Variants in SALL4 observed in about 807,000 individuals in gnomAD.
SALL4 encodes the protein spalt like transcription factor 4.
Under a neutral mutation model 60.8 loss-of-function variants are expected in SALL4, and 4 were observed. The observed-to-expected ratio is 0.07, with a 90% CI of 0.03 to 0.15. The LOEUF (loss-of-function observed/expected upper bound fraction) is 0.15, where lower values mean the gene tolerates loss of function less well. SALL4 is among the 10% of genes least tolerant of loss of function. SALL4 has a pLI of 1.00. For synonymous variants in SALL4, 580 were observed against 574.9 expected (o/e 1.01, Z -0.13); for missense variants, 1,178 against 1,394.7 (o/e 0.84, Z 2.48).
At position 51,792,171 on chromosome 20, in the gene SALL4, A is replaced by G; in HGVS notation, c.312T>C (p.Asn104=). The stretch of plus-strand genomic sequence containing the variant: ...CTGAAGGCACAGGCCCCTCGCTGTC[A>G]TTCATGATGAGGACAGGTGGATTTT... The part of the protein sequence containing the change: ...CTKNPPVLIM[N]DSEGPVPSED... Residue 104 remains asparagine (N), a synonymous_variant, in exon 2 of 4, where the codon AAT becomes AAC. Coordinates refer to ENST00000217086, the MANE Select transcript of SALL4 (RefSeq NM_020436.5). The G allele has an allele frequency of 5.0e-6, 8 of 1,614,172 alleles. No homozygotes were observed. The highest frequency in any genetic ancestry group is 5.9e-6 in the Non-Finnish European group (7 of 1,180,038).
chr20:51,794,773 A>T (rs1225010706), intron 1 of SALL4, among the ~76,000 whole-genome samples: 2 of 152,240 alleles, frequency 1.3e-5, no homozygotes, highest in African/African-American at 4.8e-5. Context: ...CACAGAGGAC[A>T]TGAACTTGCC....
In SALL4 at chr20:51,790,015, C is replaced by G. The variant is rs2078022739; in HGVS notation, c.2461+7G>C. On this transcript the variant is annotated splice_region_variant and intron_variant, in intron 2 of 3. Coordinates refer to ENST00000217086, the MANE Select transcript of SALL4 (RefSeq NM_020436.5). This position sits in a 1 kb window ranked among gnomAD's most constrained non-coding sequence, Gnocchi z 5.5. ...ATGGACATAAGTTAAATCCAAAGCT[C>G]TATCACCTTCCATCTCAGTGCGGCT... 2 of 1,614,162 alleles carry G rather than the reference C, an allele frequency of 1.2e-6. No individual in the cohort carries two copies. Among genetic ancestry groups the G allele is most frequent in the Non-Finnish European group, 8.5e-7 (1 of 1,180,036 alleles).
intron 1 of SALL4, among the ~76,000 whole-genome samples, chr20:51,794,306 G>A (rs1422926065): frequency 2.0e-5 from 3 of 152,162 alleles, no homozygotes; most frequent in Admixed American, 6.5e-5. Context: ...GGCTGGGCGT[G>A]ATGGCTCACA....
At position 51,801,923 on chromosome 20, in the gene SALL4, G is replaced by C. The variant is rs112471334; in HGVS notation, c.130+356C>G. On this transcript the variant is annotated intron_variant, in intron 1 of 3. Transcript: ENST00000217086. The surrounding 1 kb of genome is among the most constrained non-coding windows in gnomAD (Gnocchi z 5.2). ...GGGAGGGGGACCTAAGTTACAAGGG[G>C]GGGGGGTAACACCAGTGAGGGGAGT... Among the ~76,000 whole-genome samples the C allele has an allele frequency of 1.9e-3, 292 of 151,812 alleles. 3 individuals are homozygous for C. The highest frequency in any genetic ancestry group is 6.3e-3 in the African/African-American group (263 of 41,422).
At chr20:51,795,143 A>T (rs1220454057) in intron 1 of SALL4, among the ~76,000 whole-genome samples, 6 of 152,156 alleles carry the variant, frequency 3.9e-5, no homozygotes, top group Non-Finnish European at 8.8e-5. Flanking sequence ...AATCTGCCTC[A>T]CTTCAGTGAT....
chr20:51,795,963 G>A (rs1303193061), intron 1 of SALL4, among the ~76,000 whole-genome samples: 1 of 152,122 alleles, frequency 6.6e-6, no homozygotes, highest in East Asian at 1.9e-4. Flanking sequence ...GGGAGGCCGA[G>A]GTGGGTGGAT....
At chr20:51,789,731 G>C (rs962897371) in intron 2 of SALL4, among the ~76,000 whole-genome samples, 15 of 152,172 alleles carry the variant, frequency 9.9e-5, no homozygotes, top group African/African-American at 2.7e-4. Context: ...TAACAAAATA[G>C]AACGACTACC....
chr20:51,800,263 A>G (rs1006862586), intron 1 of SALL4, among the ~76,000 whole-genome samples: 7 of 152,106 alleles, frequency 4.6e-5, no homozygotes, highest in Admixed American at 3.9e-4. Flanking sequence ...CCCACCCACC[A>G]GGTGTGAGCC....
intron 3 of SALL4, among the ~76,000 whole-genome samples, chr20:51,785,941 CTTTT>C (rs73625468): frequency 6.7e-6 from 1 of 149,268 alleles, no homozygotes; most frequent in African/African-American, 2.5e-5. Flanking sequence ...CACGTCCGGC[CTTTT>C]TTTTGAGTCT....
rs1568866688 is a variant in SALL4, at chr20:51,792,712, C to CAAAAA, written c.131-365_131-361dup. The CAAAAA allele has an allele frequency of 2.0e-4, 106 of 519,420 alleles. 9 individuals are homozygous for CAAAAA. In the East Asian group the frequency reaches 6.6e-3, roughly 33 times the overall value. The allele number at this position is 519,420 out of a possible 1,614,324, so 32.2% of individuals were successfully genotyped here. A position where few individuals can be genotyped will look rare whatever the true frequency, so the allele number is the denominator to read the frequency against. ...TCAAAAAAAAAAAAAAAAAAAAAGG[C>CAAAAA]AAAAAGGCTGATCCCTGAATTTCTT... On this transcript the variant is annotated intron_variant, in intron 1 of 3. Transcript: ENST00000217086.
rs976838164 is a variant in SALL4, at chr20:51,801,126, C to T, written c.130+1153G>A. Among the ~76,000 whole-genome samples, 3 of 152,076 alleles carry T rather than the reference C, an allele frequency of 2.0e-5. No homozygotes were observed. The highest frequency in any genetic ancestry group is 2.9e-5 in the Non-Finnish European group (2 of 68,024). On this transcript the variant is annotated intron_variant, in intron 1 of 3. Transcript: ENST00000217086. This position sits in a 1 kb window ranked among gnomAD's most constrained non-coding sequence, Gnocchi z 5.2. ...GAGAGGAGGCTACAAATCCCCCCTC[C>T]CCCCACGCGCACGCTAAAAACTTAT...
At position 51,792,359 on chromosome 20, in the gene SALL4, C is replaced by G; in HGVS notation, c.131-7G>C. 1.9e-6 allele frequency: 3 copies of G among 1,601,376 alleles called. No homozygotes were observed. The highest frequency in any genetic ancestry group is 1.7e-6 in the Non-Finnish European group (2 of 1,179,936). The stretch of plus-strand genomic sequence containing the variant: ...GGGTGGTTCACTGGAGCACCTGTAA[C>G]AAGACAGAAAAAGCTAAGGACTCTG... On this transcript the variant is annotated splice_region_variant and splice_polypyrimidine_tract_variant and intron_variant, in intron 1 of 3. Coordinates refer to ENST00000217086, the MANE Select transcript of SALL4 (RefSeq NM_020436.5).
intron 1 of SALL4, among the ~76,000 whole-genome samples, chr20:51,800,766 C>T (rs2078104803): frequency 6.8e-6 from 1 of 147,152 alleles, no homozygotes; most frequent in African/African-American, 2.5e-5. Flanking sequence ...AAAGAGAGTC[C>T]CTCCAGGCGC....
chr20:51,789,262 G>T (rs2078016948), intron 2 of SALL4, 121 bp from the exon 3 acceptor site: 2 of 1,098,818 alleles, frequency 1.8e-6, no homozygotes, highest in Non-Finnish European at 1.3e-6. Context: ...AGCTGGCTTT[G>T]TAAGTAATTA....
At position 51,788,957 on chromosome 20, in the gene SALL4, A is replaced by G. The variant is rs1347195524; in HGVS notation, c.2646T>C (p.Ala882=). The G allele has an allele frequency of 2.5e-6, 4 of 1,614,112 alleles. No individual in the cohort carries two copies. The highest frequency in any genetic ancestry group is 2.2e-5 in the East Asian group (1 of 44,892). Residue 882 remains alanine (A), a synonymous_variant, in exon 3 of 4, where the codon GCT becomes GCC. Coordinates refer to ENST00000217086, the MANE Select transcript of SALL4 (RefSeq NM_020436.5). The surrounding 1 kb of genome is among the most constrained non-coding windows in gnomAD (Gnocchi z 4.1). ...CTRCGKNFSS[A]SALQIHERTH... is the part of the protein sequence containing the mutation. ...TCCGCTCGTGGATCTGAAGAGCGCT[A>G]GCAGACGAGAAGTTCTTCCCACACC...
Position 51,788,283 on chromosome 20 carries a change from T to C in SALL4, c.2742+578A>G, listed in dbSNP as rs76716240. 0.061 allele frequency among the ~76,000 whole-genome samples: 9,245 copies of C among 151,616 alleles called. 371 individuals carry two copies. The highest frequency in any genetic ancestry group is 0.11 in the African/African-American group (4,373 of 41,290). ...TGGTCCTCCCACTTCAGCTTCCCAATTGGCGGGGACCCAAGCATGCAACAC... is the reference window on the plus strand; with the variant it reads ...TGGTCCTCCCACTTCAGCTTCCCAACTGGCGGGGACCCAAGCATGCAACAC... On this transcript the variant is annotated intron_variant, in intron 3 of 3. Transcript: ENST00000217086. The surrounding 1 kb of genome is among the most constrained non-coding windows in gnomAD (Gnocchi z 4.1).
rs1336646831 is a variant in SALL4, at chr20:51,801,262, C to T, written c.130+1017G>A. ...TGGGAACAGAGTTGGCCCCGCCGTT[C>T]CTGGCGCGGCTGGGGTCCCGAACTC... is the stretch of plus-strand genomic sequence containing the variant. On this transcript the variant is annotated intron_variant, in intron 1 of 3. Transcript: ENST00000217086. This position sits in a 1 kb window ranked among gnomAD's most constrained non-coding sequence, Gnocchi z 5.2. Among the ~76,000 whole-genome samples the T allele has an allele frequency of 2.0e-5, 3 of 152,228 alleles. No individual in the cohort carries two copies. The highest frequency in any genetic ancestry group is 7.2e-5 in the African/African-American group (3 of 41,476).
intron 1 of SALL4, among the ~76,000 whole-genome samples, chr20:51,793,983 G>C (rs1487406256): frequency 6.6e-6 from 1 of 152,180 alleles, no homozygotes; most frequent in African/African-American, 2.4e-5. Flanking sequence ...GGTAGTTATT[G>C]ATAGGCAAGT....
At position 51,789,957 on chromosome 20, in the gene SALL4, C is replaced by T; in HGVS notation, c.2461+65G>A. On this transcript the variant is annotated intron_variant, in intron 2 of 3. Transcript: ENST00000217086. ...CATACTCTCCGTTTGTAAAGTTCAA[C>T]CCAGGCTCCTTTTTGATGACCTTGA... 4 of 1,601,222 alleles carry T rather than the reference C, an allele frequency of 2.5e-6. No individual in the cohort carries two copies. The South Asian group carries it at 4.4e-5, about 18-fold the overall frequency.
Sources: gnomAD v4.1 joint callset for allele counts (sites outside exome capture counted in the v4.1 genomes callset) on GRCh38, gnomAD v4.1.1 for gene constraint, Gnocchi (gnomAD v3.1) non-coding constraint, MANE v1.5 for transcripts, NCBI Gene and HGNC (gene_info 2026-07-23, HGNC 2026-07-21) for gene names.